Variants in CBR4 observed in about 807,000 individuals in gnomAD.
The protein encoded by CBR4 is 3-oxoacyl-[acyl-carrier-protein] reductase.
CBR4 carries 22 observed loss-of-function variants against 21.0 expected under a neutral mutation model. The observed-to-expected ratio is 1.05, with a 90% CI of 0.75 to 1.50. The LOEUF (loss-of-function observed/expected upper bound fraction) is 1.50, where lower values mean the gene tolerates loss of function less well. Ranked by LOEUF, CBR4 falls within the 40% of genes most tolerant of loss-of-function variation. CBR4 has a pLI of 0.00. For missense variants in CBR4, 302 were observed against 286.3 expected, an observed-to-expected ratio of 1.05 and a Z score of -0.40; for synonymous variants, 100 against 104.4, an observed-to-expected ratio of 0.96 and a Z score of 0.26.
chr4:168,948,672 G>A (rs929956571), intron 2 of CBR4, among the ~76,000 whole-genome samples: 2 of 152,088 alleles, frequency 1.3e-5, no homozygotes, highest in Non-Finnish European at 2.9e-5. Context: ...TCAGTTGGCT[G>A]TTAAGTATTT....
At chr4:168,922,142 C>CA (rs1289678137) in intron 2 of CBR4, among the ~76,000 whole-genome samples, 5 of 135,490 alleles carry the variant, frequency 3.7e-5, no homozygotes, top group African/African-American at 1.0e-4. Context: ...CACACACACA[C>CA]ACCTGGTTTT....
downstream of CBR4, among the ~76,000 whole-genome samples, chr4:168,984,517 C>A (rs111612963): frequency 9.6e-4 from 146 of 152,024 alleles, 1 homozygote; most frequent in African/African-American, 3.4e-3. Flanking sequence ...ATTCCTATCA[C>A]ACTACCAATG....
intron 2 of CBR4, among the ~76,000 whole-genome samples, chr4:168,920,192 G>A (rs575613948): frequency 6.6e-6 from 1 of 152,332 alleles, no homozygotes; most frequent in Non-Finnish European, 1.5e-5. Context: ...ATGGAGAGCT[G>A]GGGACAGCAA....
chr4:168,964,298 A>C (rs1763953561), intron 2 of CBR4, among the ~76,000 whole-genome samples: 1 of 152,204 alleles, frequency 6.6e-6, no homozygotes, highest in Non-Finnish European at 1.5e-5. Context: ...TCTTCCCTTT[A>C]ACCTCAGCTT....
intron 2 of CBR4, among the ~76,000 whole-genome samples, chr4:168,923,929 A>C (rs1378276466): frequency 1.1e-4 from 2 of 17,424 alleles, no homozygotes; most frequent in African/African-American, 1.8e-4. Flanking sequence ...TAACATAATC[A>C]CTAGTAGTGA....
intron 2 of CBR4, among the ~76,000 whole-genome samples, chr4:168,967,328 G>A (rs548359573): frequency 1.3e-3 from 200 of 152,156 alleles, no homozygotes; most frequent in African/African-American, 4.0e-3. Flanking sequence ...GACACAGGGC[G>A]GGGAACATTA....
chr4:168,901,084 AT>A (rs1295246191), intron 2 of CBR4, among the ~76,000 whole-genome samples: 3 of 152,176 alleles, frequency 2.0e-5, no homozygotes, highest in African/African-American at 7.2e-5. Flanking sequence ...TAAACTTTTC[AT>A]TGTTAAATGT....
chr4:168,999,805 ATT>A (rs1312357078), intron 4 of CBR4, among the ~76,000 whole-genome samples: 1 of 152,292 alleles, frequency 6.6e-6, no homozygotes, highest in Admixed American at 6.5e-5. Flanking sequence ...AAAATTAAGC[ATT>A]CTTTCCTTCT....
intron 2 of CBR4, chr4:168,898,798 A>G: frequency 1.2e-6 from 1 of 859,706 alleles, no homozygotes; most frequent in Non-Finnish European, 2.0e-6. Flanking sequence ...AGTAGGAGAA[A>G]GAGATACAAA....
Position 168,995,294 on chromosome 4 carries a change from G to A in CBR4, c.536-4966C>T, listed in dbSNP as rs541907324. Among the ~76,000 whole-genome samples, 59 of 152,242 alleles carry A rather than the reference G, an allele frequency of 3.9e-4. 1 individual carries two copies. The highest frequency in any genetic ancestry group is 1.4e-3 in the African/African-American group (58 of 41,516). ...AGGAACTGATCAGCCCTTCTTCTGG[G>A]TGGATGTTAGTTCTGATATGTTTGT... is the stretch of plus-strand genomic sequence containing the variant. On this transcript the variant is annotated intron_variant, in intron 4 of 4. Transcript: ENST00000306193.
chr4:168,966,747 A>G (rs1156333864), intron 2 of CBR4, among the ~76,000 whole-genome samples: 3 of 151,604 alleles, frequency 2.0e-5, no homozygotes, highest in African/African-American at 4.9e-5. Context: ...GGCCGGGCAC[A>G]GTGGCTCACG....
At chr4:168,981,226 C>T (rs904762351) in intron 2 of CBR4, among the ~76,000 whole-genome samples, 2 of 151,924 alleles carry the variant, frequency 1.3e-5, no homozygotes, top group African/African-American at 4.8e-5. Context: ...ATGGTGAAAC[C>T]CAGTCTCTAC....
At chr4:169,002,260 G>A (rs2126854626) in intron 3 of CBR4, 55 bp from the exon 4 acceptor site, 11 of 1,330,988 alleles carry the variant, frequency 8.3e-6, no homozygotes, top group South Asian at 6.4e-5. Flanking sequence ...CAATTAATGG[G>A]GTTACTTGAA....
intron 2 of CBR4, chr4:168,927,416 G>A (rs1762700627): frequency 8.6e-6 from 2 of 232,824 alleles, no homozygotes; most frequent in South Asian, 1.8e-4. Flanking sequence ...CACACATGCT[G>A]TGGAGATTGC....
At chr4:168,954,103 C>CTAA (rs1389157087) in intron 2 of CBR4, among the ~76,000 whole-genome samples, 10 of 152,076 alleles carry the variant, frequency 6.6e-5, no homozygotes, top group African/African-American at 2.4e-4. Flanking sequence ...GAAAAAAGAC[C>CTAA]TAAATCAAAG....
At chr4:168,915,868 T>A (rs1446626053) in intron 2 of CBR4, 17 of 1,592,842 alleles carry the variant, frequency 1.1e-5, no homozygotes, top group Non-Finnish European at 1.4e-5. Flanking sequence ...TATATTTCTA[T>A]CTATCTGTCA....
intron 2 of CBR4, among the ~76,000 whole-genome samples, chr4:168,930,114 A>C (rs1011663317): frequency 2.0e-5 from 3 of 152,200 alleles, no homozygotes; most frequent in Non-Finnish European, 2.9e-5. Flanking sequence ...CATTACTTCA[A>C]AATTATGGCA....
intron 2 of CBR4, among the ~76,000 whole-genome samples, chr4:168,969,555 G>C (rs762758630): frequency 6.6e-6 from 1 of 152,176 alleles, no homozygotes; most frequent in Non-Finnish European, 1.5e-5. Flanking sequence ...CAGAAGGATA[G>C]AGTTCAACAG....
intron 2 of CBR4, among the ~76,000 whole-genome samples, chr4:168,957,355 A>AACAT (rs1476358216): frequency 1.3e-5 from 2 of 151,998 alleles, no homozygotes; most frequent in African/African-American, 4.8e-5. Flanking sequence ...TACAAGACTA[A>AACAT]ACATTGTACC....
Sources: gnomAD v4.1 joint callset for allele counts (sites outside exome capture counted in the v4.1 genomes callset) on GRCh38, gnomAD v4.1.1 for gene constraint, MANE v1.5 for transcripts, NCBI Gene and HGNC (gene_info 2026-07-23, HGNC 2026-07-21) for gene names.